EXOC6B: variants seen among roughly 807,000 people sequenced by gnomAD.
EXOC6B encodes the protein exocyst complex component 6B.
A neutral mutation model predicts 113.5 loss-of-function variants in EXOC6B; 54 were observed. That is an observed-to-expected ratio of 0.48 (90% CI 0.38 to 0.60). The LOEUF (loss-of-function observed/expected upper bound fraction) is 0.60, where lower values mean the gene tolerates loss of function less well. Ranked by LOEUF, EXOC6B falls within the 20% of genes least tolerant of loss-of-function variation. The pLI, the probability that EXOC6B is intolerant of heterozygous loss-of-function variation, is 0.00. For missense variants in EXOC6B, 797 were observed against 977.5 expected (o/e 0.82, Z 2.46); for synonymous variants, 357 against 339.0 (o/e 1.05, Z -0.58).
intron 8 of EXOC6B, among the ~76,000 whole-genome samples, chr2:72,522,832 T>C (rs1269613551): frequency 1.3e-5 from 2 of 152,222 alleles, no homozygotes; most frequent in Non-Finnish European, 2.9e-5. Context: ...ATATTCTATA[T>C]ACTCTTTTCA....
chr2:72,815,217 G>A (rs1392396913), intron 1 of EXOC6B, among the ~76,000 whole-genome samples: 1 of 152,108 alleles, frequency 6.6e-6, no homozygotes. Flanking sequence ...CGGGCCGGGT[G>A]CGGTGGCTCC....
At chr2:72,272,452 G>C (rs1178812021) in intron 20 of EXOC6B, among the ~76,000 whole-genome samples, 1 of 152,106 alleles carries the variant, frequency 6.6e-6, no homozygotes, top group Non-Finnish European at 1.5e-5. Flanking sequence ...TGGGTGTTAA[G>C]CAAAGGGGAC....
intron 20 of EXOC6B, among the ~76,000 whole-genome samples, chr2:72,216,764 A>G (rs1680561441): frequency 6.6e-6 from 1 of 152,202 alleles, no homozygotes; most frequent in Non-Finnish European, 1.5e-5. Flanking sequence ...ACACGGGTGA[A>G]GCAGGAAGCC....
At chr2:72,281,516 G>A (rs181721048) in intron 20 of EXOC6B, among the ~76,000 whole-genome samples, 145 of 152,242 alleles carry the variant, frequency 9.5e-4, no homozygotes, top group Non-Finnish European at 1.4e-3. Flanking sequence ...TAAGAATATA[G>A]CAGAGAGATT....
chr2:72,213,121 G>T (rs1680298226), intron 20 of EXOC6B, among the ~76,000 whole-genome samples: 1 of 152,190 alleles, frequency 6.6e-6, no homozygotes, highest in Non-Finnish European at 1.5e-5. Flanking sequence ...GCCAAATAAA[G>T]AAGGTTAAGC....
intron 20 of EXOC6B, among the ~76,000 whole-genome samples, chr2:72,219,076 T>C (rs1573020022): frequency 6.6e-6 from 1 of 152,154 alleles, no homozygotes; most frequent in African/African-American, 2.4e-5. Context: ...TTGCTTTCTA[T>C]GGGCGACAAG....
At chr2:72,214,921 T>G (rs1394224496) in intron 20 of EXOC6B, among the ~76,000 whole-genome samples, 3 of 152,202 alleles carry the variant, frequency 2.0e-5, no homozygotes, top group African/African-American at 7.2e-5. Flanking sequence ...CAGGATGACT[T>G]GCATAGTTTC....
At chr2:72,410,758 G>C (rs1022144349) in intron 18 of EXOC6B, among the ~76,000 whole-genome samples, 1 of 151,880 alleles carries the variant, frequency 6.6e-6, no homozygotes, top group African/African-American at 2.4e-5. Context: ...ATTTGTTTTT[G>C]ATTTATAGAT....
rs572923932 is a variant in EXOC6B, at chr2:72,368,241, C to T, written c.2122+11488G>A. On this transcript the variant is annotated intron_variant, in intron 19 of 21. Coordinates refer to ENST00000272427, the MANE Select transcript of EXOC6B (RefSeq NM_015189.3). ...TCAGAGAATACTATAAACACCTCTA[C>T]GCAGATAAACTAGAAAATCTAGAAG... Among the ~76,000 whole-genome samples the T allele has an allele frequency of 3.8e-4, 58 of 152,202 alleles. 1 individual carries two copies. Among genetic ancestry groups the T allele is most frequent in the Non-Finnish European group, 6.8e-4 (46 of 67,996 alleles).
chr2:72,798,478 CTA>C (rs1440512214), intron 1 of EXOC6B, among the ~76,000 whole-genome samples: 2 of 152,000 alleles, frequency 1.3e-5, no homozygotes, highest in South Asian at 2.1e-4. Flanking sequence ...ATCAAAATAA[CTA>C]TGTGGAGACT....
chr2:72,300,821 G>T (rs955033980), intron 20 of EXOC6B, among the ~76,000 whole-genome samples: 6 of 152,128 alleles, frequency 3.9e-5, no homozygotes, highest in Admixed American at 3.3e-4. Flanking sequence ...GTGAGGCGAT[G>T]CCCCACCCTG....
At chr2:72,233,423 G>A (rs1367838823) in intron 20 of EXOC6B, among the ~76,000 whole-genome samples, 2 of 152,116 alleles carry the variant, frequency 1.3e-5, no homozygotes, top group African/African-American at 4.8e-5. Context: ...TCTGTGGGGA[G>A]CCAGGAAAAC....
chr2:72,583,724 T>C (rs1480005981), intron 6 of EXOC6B, among the ~76,000 whole-genome samples: 1 of 138,890 alleles, frequency 7.2e-6, no homozygotes, highest in East Asian at 1.9e-4. Context: ...TTTTTTGTTT[T>C]TGTTTTTGTT....
intron 20 of EXOC6B, among the ~76,000 whole-genome samples, chr2:72,326,898 G>T (rs111940300): frequency 6.6e-6 from 1 of 152,042 alleles, no homozygotes; most frequent in Non-Finnish European, 1.5e-5. Context: ...CCAGCGTTTG[G>T]TTAGACTGTG....
chr2:72,471,579 G>A (rs1311919775), intron 17 of EXOC6B, among the ~76,000 whole-genome samples: 5 of 152,132 alleles, frequency 3.3e-5, no homozygotes, highest in African/African-American at 4.8e-5. Flanking sequence ...TTTTCTTCTA[G>A]GGTTTTTATG....
At chr2:72,287,165 C>G (rs1420866022) in intron 20 of EXOC6B, among the ~76,000 whole-genome samples, 1 of 151,948 alleles carries the variant, frequency 6.6e-6, no homozygotes, top group Admixed American at 6.6e-5. Context: ...GCGCAGTGGT[C>G]AAGCCTGTAA....
intron 2 of EXOC6B, among the ~76,000 whole-genome samples, chr2:72,739,637 T>C (rs1681180345): frequency 6.6e-6 from 1 of 152,084 alleles, no homozygotes; most frequent in South Asian, 2.1e-4. Flanking sequence ...ACTAGTTCTT[T>C]CATGGTTTTA....
intron 1 of EXOC6B, among the ~76,000 whole-genome samples, chr2:72,789,626 A>C (rs573235105): frequency 6.6e-6 from 1 of 152,348 alleles, no homozygotes; most frequent in East Asian, 1.9e-4. Context: ...AGAAGGCAAA[A>C]TGTTCTACCT....
At position 72,225,652 on chromosome 2, in the gene EXOC6B, C is replaced by T. The variant is rs148939880; in HGVS notation, c.2197-41465G>A. ...GCTGAACCTTGGTGAAAGGGTAGAC[C>T]AGAAAACAAATCTACCCCTTGGTAT... On this transcript the variant is annotated intron_variant, in intron 20 of 21. Transcript: ENST00000272427. 2.4e-3 allele frequency among the ~76,000 whole-genome samples: 358 copies of T among 152,230 alleles called. 3 individuals carry two copies. Among genetic ancestry groups the T allele is most frequent in the African/African-American group, 7.7e-3 (321 of 41,534 alleles).
Sources: allele counts gnomAD v4.1 joint callset (sites outside exome capture counted in the v4.1 genomes callset), GRCh38; gene constraint gnomAD v4.1.1; transcripts MANE v1.5; gene names NCBI Gene and HGNC (gene_info 2026-07-23, HGNC 2026-07-21).